The following GRIA4 variants were observed in gnomAD, a reference collection of about 807,000 sequenced individuals.
GRIA4 encodes glutamate ionotropic receptor AMPA type subunit 4, also known as glutamate receptor 4.
A neutral mutation model predicts 104.0 loss-of-function variants in GRIA4; 34 were observed. That is an observed-to-expected ratio of 0.33 (90% CI 0.25 to 0.44). The LOEUF is 0.44. Ranked by LOEUF, GRIA4 falls within the 20% of genes least tolerant of loss-of-function variation. GRIA4 has a pLI of 1.00. For synonymous variants in GRIA4, 386 were observed against 381.9 expected, an observed-to-expected ratio of 1.01 and a Z score of -0.13; for missense variants, 750 against 1,096.5, an observed-to-expected ratio of 0.68 and a Z score of 4.46.
chr11:105,880,412 C>T (rs142023645), intron 5 of GRIA4, among the ~76,000 whole-genome samples: 13 of 152,132 alleles, frequency 8.5e-5, no homozygotes, highest in Non-Finnish European at 1.5e-4. Context: ...TGGCATGGAA[C>T]GAACACAGGA....
intron 3 of GRIA4, among the ~76,000 whole-genome samples, chr11:105,711,481 T>C (rs994759789): frequency 1.3e-5 from 2 of 152,080 alleles, no homozygotes; most frequent in African/African-American, 4.8e-5. Flanking sequence ...TAGAACATAC[T>C]GTGTCTGAGT....
chr11:105,700,995 T>C (rs1266739921), intron 3 of GRIA4, among the ~76,000 whole-genome samples: 1 of 152,190 alleles, frequency 6.6e-6, no homozygotes, highest in African/African-American at 2.4e-5. Context: ...TCCCTATTCC[T>C]TTGAATGTCA....
intron 4 of GRIA4, among the ~76,000 whole-genome samples, chr11:105,794,377 C>A (rs1169118108): frequency 2.1e-5 from 3 of 145,750 alleles, no homozygotes; most frequent in African/African-American, 7.6e-5. Context: ...CTATCTCCAG[C>A]AAATAGAACA....
intron 3 of GRIA4, among the ~76,000 whole-genome samples, chr11:105,629,438 C>T (rs565530146): frequency 6.4e-4 from 97 of 151,846 alleles, no homozygotes; most frequent in Non-Finnish European, 1.1e-3. Context: ...AGATTTTTAA[C>T]ATATGGGAAA....
intron 3 of GRIA4, among the ~76,000 whole-genome samples, chr11:105,637,493 C>T (rs1020117090): frequency 6.6e-6 from 1 of 152,006 alleles, no homozygotes; most frequent in Non-Finnish European, 1.5e-5. Flanking sequence ...GAGTGTCTAC[C>T]GTATGCATCA....
chr11:105,886,947 ATTTT>A (rs765999499), intron 5 of GRIA4, among the ~76,000 whole-genome samples: 1 of 149,402 alleles, frequency 6.7e-6, no homozygotes, highest in East Asian at 1.9e-4. Context: ...AAGCTTTTTG[ATTTT>A]TTTTTTCTTT....
chr11:105,949,694 C>A (rs948256246), intron 14 of GRIA4, among the ~76,000 whole-genome samples: 3 of 151,966 alleles, frequency 2.0e-5, no homozygotes, highest in Non-Finnish European at 4.4e-5. Context: ...TGAGTGATTA[C>A]TGGAAAATGT....
chr11:105,637,165 T>C lies in GRIA4; in HGVS notation c.247+24731T>C, dbSNP rs577232584. Among the ~76,000 whole-genome samples, 7 of 150,898 alleles carry C rather than the reference T, an allele frequency of 4.6e-5. No homozygotes were observed. In the East Asian group the frequency reaches 9.7e-4, roughly 21 times the overall value. On this transcript the variant is annotated intron_variant, in intron 3 of 16. Transcript: ENST00000282499. Reference sequence around the variant, plus strand: ...TTAAAAATAGTTTTATGAAGCTAGATAATTTTAATGATATGAGGTATGATT... The same window carrying C: ...TTAAAAATAGTTTTATGAAGCTAGACAATTTTAATGATATGAGGTATGATT...
intron 4 of GRIA4, among the ~76,000 whole-genome samples, chr11:105,760,222 T>C (rs899046125): frequency 6.6e-6 from 1 of 152,128 alleles, no homozygotes; most frequent in Non-Finnish European, 1.5e-5. Flanking sequence ...ACAGGAGCCT[T>C]CTTTACTCCA....
chr11:105,736,966 G>A (rs1488310453), intron 3 of GRIA4, among the ~76,000 whole-genome samples: 1 of 152,004 alleles, frequency 6.6e-6, no homozygotes, highest in Non-Finnish European at 1.5e-5. Context: ...AGCAGTAAGA[G>A]AAAATTATTA....
chr11:105,690,782 C>A (rs1349402216), intron 3 of GRIA4, among the ~76,000 whole-genome samples: 2 of 152,094 alleles, frequency 1.3e-5, no homozygotes, highest in Non-Finnish European at 2.9e-5. Flanking sequence ...TCTATGTGAC[C>A]TTTTCCAGAG....
chr11:105,721,741 T>C (rs753921952), intron 3 of GRIA4, among the ~76,000 whole-genome samples: 1 of 152,166 alleles, frequency 6.6e-6, no homozygotes, highest in Non-Finnish European at 1.5e-5. Flanking sequence ...TGGAACATTC[T>C]TCCCTCAGCT....
At position 105,633,698 on chromosome 11, in the gene GRIA4, C is replaced by G. The variant is rs550232720; in HGVS notation, c.247+21264C>G. On this transcript the variant is annotated intron_variant, in intron 3 of 16. Transcript: ENST00000282499. The stretch of plus-strand genomic sequence containing the variant: ...CTCTAGAACCACAGAAACACAAATT[C>G]TACATTCTTAAGACCTGTATTTCAG... 3.7e-4 allele frequency among the ~76,000 whole-genome samples: 57 copies of G among 152,248 alleles called. No individual in the cohort carries two copies. In the South Asian group the frequency reaches 0.011, roughly 29 times the overall value.
chr11:105,648,556 GA>G (rs1358315676), intron 3 of GRIA4, among the ~76,000 whole-genome samples: 3 of 145,314 alleles, frequency 2.1e-5, no homozygotes, highest in African/African-American at 7.6e-5. Context: ...AATGCAAAAA[GA>G]AAAAAATTTG....
chr11:105,794,948 G>A (rs1942419065), intron 4 of GRIA4, among the ~76,000 whole-genome samples: 2 of 151,984 alleles, frequency 1.3e-5, no homozygotes, highest in Admixed American at 6.6e-5. Flanking sequence ...GCACACATCT[G>A]AGAAGACCAT....
At chr11:105,781,294 T>A (rs931498008) in intron 4 of GRIA4, among the ~76,000 whole-genome samples, 11 of 152,104 alleles carry the variant, frequency 7.2e-5, no homozygotes, top group African/African-American at 2.7e-4. Flanking sequence ...CAGGCCCACA[T>A]CACAACCTGA....
Position 105,610,183 on chromosome 11 carries a change from AG to A in GRIA4, c.-334del, listed in dbSNP as rs2135231587. ...GCGGCAGGGGCCTGGGGGCATGGGG[AG>A]GTACTAACCCCCCGGAGCCCCCGAT... On this transcript the variant is annotated 5_prime_UTR_variant, in exon 1 of 17. The change abolishes the stop of an existing upstream ORF in the 5' untranslated region. Coordinates refer to ENST00000282499, the MANE Select transcript of GRIA4 (RefSeq NM_000829.4). 6.6e-6 allele frequency: 1 copy of A among 152,452 alleles called. No individual in the cohort carries two copies. The highest frequency in any genetic ancestry group is 6.5e-5 in the Admixed American group (1 of 15,298). 9.4% of individuals were successfully genotyped at this position (152,452 alleles called of 1,614,324 possible).
intron 4 of GRIA4, among the ~76,000 whole-genome samples, chr11:105,851,085 T>C (rs1488984269): frequency 3.9e-5 from 6 of 152,152 alleles, no homozygotes; most frequent in African/African-American, 7.2e-5. Flanking sequence ...ACTAACACCA[T>C]GCCAATAAAG....
chr11:105,875,441 G>A (rs1169757195), intron 5 of GRIA4, among the ~76,000 whole-genome samples: 1 of 152,136 alleles, frequency 6.6e-6, no homozygotes. Context: ...AATGAGTTAG[G>A]GAGGAGTCCT....
Sources: allele counts gnomAD v4.1 joint callset (sites outside exome capture counted in the v4.1 genomes callset), GRCh38; gene constraint gnomAD v4.1.1; transcripts MANE v1.5; gene names NCBI Gene and HGNC (gene_info 2026-07-23, HGNC 2026-07-21).